The following MROH2B variants were observed in gnomAD, a reference collection of about 807,000 sequenced individuals.
MROH2B encodes the protein maestro heat-like repeat-containing protein family member 2B.
Under a neutral mutation model 208.6 loss-of-function variants are expected in MROH2B, and 177 were observed. The observed-to-expected ratio is 0.85, with a 90% CI of 0.75 to 0.96. The LOEUF (loss-of-function observed/expected upper bound fraction) is 0.96. Ranked by LOEUF, MROH2B falls within the 40% of genes least tolerant of loss-of-function variation. MROH2B has a pLI of 0.00. For synonymous variants in MROH2B, 728 were observed against 659.0 expected (o/e 1.10, Z -1.60); for missense variants, 2,002 against 1,878.7 (o/e 1.07, Z -1.21).
rs766017498 is a variant in MROH2B, at chr5:41,057,309, T to C, written c.808A>G (p.Arg270Gly). 32 of 1,594,290 alleles carry C rather than the reference T, an allele frequency of 2.0e-5. No individual in the cohort carries two copies. In the South Asian group the frequency reaches 2.4e-4, roughly 12 times the overall value. Reference sequence around the variant, plus strand: ...ATAAAGATGGATCTTCTCAAGCTCCTTGGAAGGCCAATGTCATAAAGAACT... The same window carrying C: ...ATAAAGATGGATCTTCTCAAGCTCCCTGGAAGGCCAATGTCATAAAGAACT... ...AAVLYDIGLPRSLRRSIFINL... is the reference protein window; with the variant it reads ...AAVLYDIGLPGSLRRSIFINL... The change falls in exon 8 of 42, where the codon AGG becomes GGG. Residue 270 changes from arginine to glycine, a missense_variant. Coordinates refer to ENST00000399564, the MANE Select transcript of MROH2B (RefSeq NM_173489.5).
At chr5:41,015,984 C>T (rs543281466) in intron 28 of MROH2B, among the ~76,000 whole-genome samples, 2 of 152,254 alleles carry the variant, frequency 1.3e-5, no homozygotes, top group South Asian at 2.1e-4. Flanking sequence ...AAATGCAGAC[C>T]TAACCAATAA....
intron 36 of MROH2B, 97 bp downstream of exon 36, chr5:41,004,677 T>C: frequency 2.0e-6 from 3 of 1,536,138 alleles, no homozygotes; most frequent in Non-Finnish European, 1.7e-6. Flanking sequence ...TATCTGGATT[T>C]CCAATTAATT....
chr5:41,045,711 A>T, intron 18 of MROH2B, 35 bp downstream of exon 18: 1 of 1,531,940 alleles, frequency 6.5e-7, no homozygotes, highest in Non-Finnish European at 9.0e-7. Context: ...GATCATAGGT[A>T]AAAGCTAAGG....
At chr5:41,020,412 G>A (rs1251458457) in intron 24 of MROH2B, among the ~76,000 whole-genome samples, 2 of 151,982 alleles carry the variant, frequency 1.3e-5, no homozygotes, top group Admixed American at 6.6e-5. Context: ...CCTCATTTTT[G>A]TTAACATGGC....
chr5:41,029,518 T>C (rs1327524567), intron 24 of MROH2B, among the ~76,000 whole-genome samples: 3 of 152,102 alleles, frequency 2.0e-5, no homozygotes, highest in African/African-American at 7.2e-5. Flanking sequence ...GGCCAAGATT[T>C]TGATGTGAGG....
intron 5 of MROH2B, 145 bp downstream of exon 5, chr5:41,064,327 C>T: frequency 3.3e-6 from 2 of 614,970 alleles, no homozygotes; most frequent in Non-Finnish European, 5.7e-6. Flanking sequence ...GAGGACTTTC[C>T]ATGTGGTAGG....
In MROH2B at chr5:41,067,143, T is replaced by A; in HGVS notation, c.166A>T (p.Ile56Phe). 1 of 1,555,094 alleles carries A rather than the reference T, an allele frequency of 6.4e-7. No homozygotes were observed. The highest frequency in any genetic ancestry group is 8.7e-7 in the Non-Finnish European group (1 of 1,147,916). ...CTCATATCCTTAGAAGCATAATAAATCAATCGTTGGACAATTGCATCATCC... is the reference window on the plus strand; with the variant it reads ...CTCATATCCTTAGAAGCATAATAAAACAATCGTTGGACAATTGCATCATCC... ...ILDDAIVQRL[I>F]YYASKDMRDN... is the part of the protein sequence containing the mutation. The change falls in exon 3 of 42, where the codon ATT becomes TTT. Residue 56 changes from isoleucine to phenylalanine, a missense_variant. Physicochemically the swap from Ile to Phe is conservative, Grantham distance 21 (BLOSUM62 0). Transcript: ENST00000399564.
intron 17 of MROH2B, among the ~76,000 whole-genome samples, 159 bp from the exon 18 acceptor site, chr5:41,046,012 T>A (rs953849814): frequency 2.6e-5 from 4 of 152,092 alleles, no homozygotes; most frequent in African/African-American, 9.7e-5. Context: ...TTCCTCTTAG[T>A]TTATTCTAAA....
At chr5:41,005,417 C>CCCCA in intron 35 of MROH2B, 114 bp downstream of exon 35, 1 of 194,542 alleles carries the variant, frequency 5.1e-6, no homozygotes, top group Non-Finnish European at 1.1e-5. Flanking sequence ...TATGAAACCC[C>CCCCA]CCCCCCCCTT....
chr5:41,007,247 C>T, intron 34 of MROH2B, 67 bp downstream of exon 34: 1 of 1,350,794 alleles, frequency 7.4e-7, no homozygotes, highest in Non-Finnish European at 9.6e-7. Context: ...GCCTGTATTG[C>T]ACTTTTGTTT....
At chr5:41,006,186 A>G (rs1186687045) in intron 34 of MROH2B, among the ~76,000 whole-genome samples, 1 of 152,212 alleles carries the variant, frequency 6.6e-6, no homozygotes, top group Admixed American at 6.5e-5. Flanking sequence ...ACATGAATAG[A>G]TAATTCTCAA....
chr5:41,025,384 C>T (rs1742316984), intron 24 of MROH2B, among the ~76,000 whole-genome samples: 2 of 152,066 alleles, frequency 1.3e-5, no homozygotes, highest in Admixed American at 6.6e-5. Flanking sequence ...ATACAAACTA[C>T]CATCAGAGAA....
At chr5:41,062,656 T>C (rs1422425778) in intron 5 of MROH2B, among the ~76,000 whole-genome samples, 1 of 152,128 alleles carries the variant, frequency 6.6e-6, no homozygotes, top group Non-Finnish European at 1.5e-5. Flanking sequence ...ATAAAGAAAA[T>C]TAATTAGTCC....
chr5:41,000,085 T>G, intron 39 of MROH2B, 135 bp downstream of exon 39: 1 of 1,172,522 alleles, frequency 8.5e-7, no homozygotes, highest in Non-Finnish European at 1.2e-6. Context: ...TCCTGTGAAA[T>G]CAGGATATCA....
chr5:41,030,087 A>AT (rs1561289093), intron 24 of MROH2B, among the ~76,000 whole-genome samples: 1 of 144,394 alleles, frequency 6.9e-6, no homozygotes, highest in African/African-American at 2.5e-5. Context: ...TCCAGAATAA[A>AT]TTAAAAAAAA....
chr5:41,032,972 A>G (rs1742624368), intron 23 of MROH2B, 69 bp downstream of exon 23: 1 of 1,592,718 alleles, frequency 6.3e-7, no homozygotes, highest in South Asian at 1.1e-5. Flanking sequence ...TCACTTTTTA[A>G]AAAGATAGCC....
At chr5:41,041,738 G>A (rs1742958920) in intron 19 of MROH2B, among the ~76,000 whole-genome samples, 1 of 152,126 alleles carries the variant, frequency 6.6e-6, no homozygotes, top group Non-Finnish European at 1.5e-5. Context: ...AAGCACTTTA[G>A]GTTATCTTTA....
At chr5:41,005,461 G>A in intron 35 of MROH2B, 70 bp downstream of exon 35, 1 of 804,002 alleles carries the variant, frequency 1.2e-6, no homozygotes, top group Non-Finnish European at 1.9e-6. Flanking sequence ...GTGCACACTG[G>A]GCTCCAGACC....
At chr5:41,028,134 G>A (rs943794661) in intron 24 of MROH2B, among the ~76,000 whole-genome samples, 7 of 152,128 alleles carry the variant, frequency 4.6e-5, no homozygotes, top group South Asian at 2.1e-4. Context: ...ATATGTATAC[G>A]TATGTAACAA....
Sources: allele counts gnomAD v4.1 joint callset (sites outside exome capture counted in the v4.1 genomes callset), GRCh38; gene constraint gnomAD v4.1.1; transcripts MANE v1.5; gene names NCBI Gene and HGNC (gene_info 2026-07-23, HGNC 2026-07-21).